PARVB: variants seen among roughly 807,000 people sequenced by gnomAD.
PARVB encodes beta-parvin.
In PARVB, 46 loss-of-function variants were observed where a neutral mutation model predicts 47.0. That is an observed-to-expected ratio of 0.98 (90% CI 0.77 to 1.25). PARVB has a LOEUF of 1.25. PARVB is among the 50% of genes most tolerant of loss of function. The pLI, the probability that PARVB is intolerant of heterozygous loss-of-function variation, is 0.00. For synonymous variants in PARVB, 196 were observed against 196.3 expected (o/e 1.00, Z 0.01); for missense variants, 473 against 471.6 (o/e 1.00, Z -0.03).
At chr22:44,022,682 T>A (rs1253881745), upstream of PARVB, among the ~76,000 whole-genome samples, 1 of 152,048 alleles carries the variant, frequency 6.6e-6, no homozygotes, top group African/African-American at 2.4e-5. Flanking sequence ...CTCTGCTGAG[T>A]GATCCACCAT....
upstream of PARVB, among the ~76,000 whole-genome samples, chr22:44,023,701 C>T (rs1212071511): frequency 6.6e-6 from 1 of 152,168 alleles, no homozygotes. Context: ...CCTGGCACCC[C>T]ACACTGTCCC....
In PARVB at chr22:44,131,503, C is replaced by A; in HGVS notation, c.393C>A (p.Cys131Ter). 1 of 1,613,864 alleles carries A rather than the reference C, an allele frequency of 6.2e-7. No homozygotes were observed. Among genetic ancestry groups the A allele is most frequent in the Non-Finnish European group, 8.5e-7 (1 of 1,179,936 alleles). The change falls in exon 5 of 13, where the codon TGC becomes TGA. Residue 131 changes from cysteine to a stop codon, truncating the protein, a stop_gained. Transcript: ENST00000338758. LOFTEE classifies it high-confidence loss of function. ...LQKLLEKLAG[C>*]KLNVAEVTQS... ...TCATTGCAGAAAAACTGGCAGGGTGCAAGCTGAATGTGGCTGAGGTGACAC... is the reference window on the plus strand; with the variant it reads ...TCATTGCAGAAAAACTGGCAGGGTGAAAGCTGAATGTGGCTGAGGTGACAC...
intron 12 of PARVB, among the ~76,000 whole-genome samples, chr22:44,164,656 C>T (rs1346774128): frequency 6.6e-6 from 1 of 152,186 alleles, no homozygotes; most frequent in African/African-American, 2.4e-5. Flanking sequence ...GAGGAGCCCA[C>T]AGAACTCAGA....
At chr22:44,142,387 A>T (rs1222992129) in intron 8 of PARVB, 3 of 38,398 alleles carry the variant, frequency 7.8e-5, no homozygotes, top group Non-Finnish European at 1.4e-4. Context: ...CAAAAAAAAA[A>T]AAAAAAAAAA....
intron 3 of PARVB, among the ~76,000 whole-genome samples, chr22:44,118,305 A>G (rs2147122716): frequency 6.6e-6 from 1 of 152,370 alleles, no homozygotes; most frequent in South Asian, 2.1e-4. Context: ...CACACATGAA[A>G]GGGCAGACAT....
At chr22:44,005,994 C>T (rs1039413993) in intron 2 of PARVB, among the ~76,000 whole-genome samples, 2 of 152,238 alleles carry the variant, frequency 1.3e-5, no homozygotes, top group Non-Finnish European at 2.9e-5. Context: ...AGACCCTCCA[C>T]TGGTAACAGC....
chr22:44,121,228 C>T (rs757486424), intron 4 of PARVB, among the ~76,000 whole-genome samples: 8 of 152,110 alleles, frequency 5.3e-5, no homozygotes, highest in Admixed American at 5.2e-4. Flanking sequence ...CTGTTTTGTA[C>T]TGGCCTGAAG....
intron 1 of PARVB, among the ~76,000 whole-genome samples, chr22:44,055,606 TA>T (rs1233780790): frequency 3.7e-4 from 56 of 152,260 alleles, no homozygotes; most frequent in Admixed American, 2.6e-3. Flanking sequence ...GTGCTGGGAT[TA>T]CAGGCGTGAG....
intron 1 of PARVB, among the ~76,000 whole-genome samples, chr22:44,092,463 T>C (rs371253221): frequency 6.6e-6 from 1 of 152,134 alleles, no homozygotes; most frequent in Non-Finnish European, 1.5e-5. Context: ...AAAATGGGAA[T>C]AAAAGAGGGT....
chr22:44,066,458 C>T (rs192468108), intron 1 of PARVB, among the ~76,000 whole-genome samples: 70 of 152,202 alleles, frequency 4.6e-4, no homozygotes, highest in African/African-American at 1.5e-3. Context: ...AGGGGTGCCT[C>T]CCCACCCATC....
chr22:44,077,493 G>A (rs1039424446), intron 1 of PARVB, among the ~76,000 whole-genome samples: 5 of 151,282 alleles, frequency 3.3e-5, no homozygotes, highest in Admixed American at 3.3e-4. Flanking sequence ...CCTTTTAGGG[G>A]AGATACAGTG....
chr22:44,056,602 C>T (rs922565941), intron 1 of PARVB, among the ~76,000 whole-genome samples: 1 of 152,076 alleles, frequency 6.6e-6, no homozygotes, highest in African/African-American at 2.4e-5. Context: ...ACCCTGTGGG[C>T]TTAAGCAATC....
At chr22:44,045,726 G>T (rs767255309) in intron 1 of PARVB, among the ~76,000 whole-genome samples, 2 of 152,224 alleles carry the variant, frequency 1.3e-5, no homozygotes, top group Non-Finnish European at 2.9e-5. Context: ...AAAATCAGTT[G>T]ATCATCAATG....
intron 3 of PARVB, chr22:44,106,518 C>G (rs2052572036): frequency 1.3e-5 from 2 of 152,130 alleles, no homozygotes; most frequent in Non-Finnish European, 1.5e-5. Context: ...CTGAGCAGAT[C>G]AGGGGACAGA....
At chr22:44,140,217 A>G in intron 8 of PARVB, 74 bp downstream of exon 8, 1 of 1,466,278 alleles carries the variant, frequency 6.8e-7, no homozygotes. Flanking sequence ...GAGAGTGTAC[A>G]TGGTTATCTG....
chr22:44,161,650 C>T (rs2054055831), intron 11 of PARVB, among the ~76,000 whole-genome samples: 1 of 152,190 alleles, frequency 6.6e-6, no homozygotes, highest in African/African-American at 2.4e-5. Flanking sequence ...CCTAGCCCAT[C>T]TCAGCCCAGC....
chr22:44,168,684 G>A lies in PARVB; in HGVS notation c.*6G>A, dbSNP rs774498501. ...AGTACAAGAACGTGGAGTGACGGGG[G>A]AGCTGTGGATGGTGGCAGGAGTGTC... is the stretch of plus-strand genomic sequence containing the variant. On this transcript the variant is annotated 3_prime_UTR_variant, in exon 13 of 13. Transcript: ENST00000338758. 10 of 1,597,512 alleles carry A rather than the reference G, an allele frequency of 6.3e-6. No homozygotes were observed. In the South Asian group the frequency reaches 1.1e-4, roughly 18 times the overall value.
At chr22:44,129,403 C>T (rs1327182301) in intron 4 of PARVB, among the ~76,000 whole-genome samples, 6 of 152,142 alleles carry the variant, frequency 3.9e-5, no homozygotes, top group East Asian at 1.9e-4. Context: ...CAGTGTCCTC[C>T]GCTCCTCTGC....
chr22:44,066,801 C>CCTCCTCCTCCTCCTT (rs1555898489), intron 1 of PARVB, among the ~76,000 whole-genome samples: 74 of 110,902 alleles, frequency 6.7e-4, no homozygotes, highest in South Asian at 1.2e-3. Flanking sequence ...TCCTCCTCCT[C>CCTCCTCCTCCTCCTT]CTCCTCCTCC....
Sources: gnomAD v4.1 joint callset for allele counts (sites outside exome capture counted in the v4.1 genomes callset) on GRCh38, gnomAD v4.1.1 for gene constraint, MANE v1.5 for transcripts, NCBI Gene and HGNC (gene_info 2026-07-23, HGNC 2026-07-21) for gene names.